Variants in UGT1A9 observed in about 807,000 individuals in gnomAD.
UGT1A9 encodes UDP glucuronosyltransferase family 1 member A9, also known as UDP-glucuronosyltransferase 1A9.
A neutral mutation model predicts 45.0 loss-of-function variants in UGT1A9; 35 were observed. That is an observed-to-expected ratio of 0.78 (90% CI 0.59 to 1.03). The LOEUF (loss-of-function observed/expected upper bound fraction) is 1.03. Ranked by LOEUF, UGT1A9 falls within the 50% of genes least tolerant of loss-of-function variation. The probability of loss-of-function intolerance (pLI) is 0.00; values close to 1 mark genes in which losing one functional copy is unlikely to be tolerated. For synonymous variants in UGT1A9, 278 were observed against 250.6 expected (o/e 1.11, Z -1.03); for missense variants, 687 against 666.6 (o/e 1.03, Z -0.34).
chr2:233,723,731 T>A lies in UGT1A9; in HGVS notation c.856-43303T>A, dbSNP rs1266221554. ...CTTGAGATTAGGGATTGGTGATGAC[T>A]CTTAACGAGCATGCTGCCTTCAAGC... On this transcript the variant is annotated intron_variant, in intron 1 of 4. Coordinates refer to ENST00000354728, the MANE Select transcript of UGT1A9 (RefSeq NM_021027.3). Among the ~76,000 whole-genome samples, 3 of 78,960 alleles carry A rather than the reference T, an allele frequency of 3.8e-5. 1 individual carries two copies. The highest frequency in any genetic ancestry group is 6.7e-5 in the Non-Finnish European group (3 of 44,612). The allele number at this position is 78,960 out of a possible 152,430, so 51.8% of individuals were successfully genotyped here. A position where few individuals can be genotyped will look rare whatever the true frequency, so the allele number is the denominator to read the frequency against.
chr2:233,741,972 T>G (rs888756569), intron 1 of UGT1A9: 7 of 151,906 alleles, frequency 4.6e-5, no homozygotes, highest in African/African-American at 1.7e-4. Context: ...GTGTTTATGG[T>G]GCCTCACCCA....
chr2:233,768,654 T>C (rs1699689633), intron 4 of UGT1A9, among the ~76,000 whole-genome samples: 2 of 149,892 alleles, frequency 1.3e-5, no homozygotes, highest in Non-Finnish European at 3.0e-5. Flanking sequence ...TGGTGCAATC[T>C]TGGCTTACTG....
intron 1 of UGT1A9, chr2:233,692,906 T>G (rs1175871462): frequency 2.6e-6 from 4 of 1,548,942 alleles, no homozygotes; most frequent in Non-Finnish European, 3.5e-6. Context: ...AGACAGGACC[T>G]GTGAAAAGCA....
intron 1 of UGT1A9, chr2:233,729,033 A>G: frequency 1.9e-6 from 3 of 1,602,256 alleles, no homozygotes; most frequent in Admixed American, 3.4e-5. Context: ...TTGATTTGCT[A>G]AGTGGCTCAG....
At chr2:233,689,006 A>C (rs890693813) in intron 1 of UGT1A9, among the ~76,000 whole-genome samples, 2 of 152,152 alleles carry the variant, frequency 1.3e-5, no homozygotes, top group Non-Finnish European at 2.9e-5. Flanking sequence ...GGGTCTCTTT[A>C]CTTCATAAAC....
At chr2:233,768,980 T>A (rs1699769339) in intron 4 of UGT1A9, among the ~76,000 whole-genome samples, 1 of 152,212 alleles carries the variant, frequency 6.6e-6, no homozygotes, top group Non-Finnish European at 1.5e-5. Flanking sequence ...TTTAGAATTT[T>A]ATTTCCCCCA....
intron 1 of UGT1A9, chr2:233,743,704 C>T (rs773531190): frequency 8.8e-6 from 12 of 1,367,244 alleles, no homozygotes; most frequent in East Asian, 4.5e-5. Flanking sequence ...CCTCCGCCCC[C>T]GCCTCGCCAT....
In UGT1A9 at chr2:233,736,783, G is replaced by T. The variant is rs545223479; in HGVS notation, c.856-30251G>T. ...CTTCTAACAGTCAGATCCCTCAGCTGCAGGTCTGTTGGAGTTTGCTGGAGG... is the reference window on the plus strand; with the variant it reads ...CTTCTAACAGTCAGATCCCTCAGCTTCAGGTCTGTTGGAGTTTGCTGGAGG... On this transcript the variant is annotated intron_variant, in intron 1 of 4. Transcript: ENST00000354728. Among the ~76,000 whole-genome samples, 9 of 152,312 alleles carry T rather than the reference G, an allele frequency of 5.9e-5. No homozygotes were observed. The South Asian group carries it at 1.9e-3, about 32-fold the overall frequency.
chr2:233,687,579 T>A (rs2074847989), intron 1 of UGT1A9, among the ~76,000 whole-genome samples: 1 of 120,078 alleles, frequency 8.3e-6, no homozygotes, highest in Non-Finnish European at 1.7e-5. Context: ...CCATACATTC[T>A]TTGTAAAAAA....
chr2:233,704,199 C>A (rs1162056746), intron 1 of UGT1A9, among the ~76,000 whole-genome samples: 1 of 147,548 alleles, frequency 6.8e-6, no homozygotes, highest in Non-Finnish European at 1.5e-5. Context: ...CCCCATTTTA[C>A]TTTTTATGCT....
chr2:233,719,749 T>G, intron 1 of UGT1A9: 1 of 1,612,804 alleles, frequency 6.2e-7, no homozygotes, highest in South Asian at 1.1e-5. Flanking sequence ...AAAAATGTAT[T>G]TACTTACAAG....
intron 4 of UGT1A9, among the ~76,000 whole-genome samples, chr2:233,768,769 A>G (rs1559416355): frequency 6.6e-6 from 1 of 151,738 alleles, no homozygotes; most frequent in Non-Finnish European, 1.5e-5. Flanking sequence ...TTTTTAGTAG[A>G]GAAAGGGTTT....
At chr2:233,746,331 A>G (rs1482608381) in intron 1 of UGT1A9, among the ~76,000 whole-genome samples, 1 of 151,784 alleles carries the variant, frequency 6.6e-6, no homozygotes, top group Non-Finnish European at 1.5e-5. Context: ...TCTACAGGGC[A>G]ATGGACATGT....
At chr2:233,729,141 C>T (rs751723491) in intron 1 of UGT1A9, 1 of 1,613,272 alleles carries the variant, frequency 6.2e-7, no homozygotes, top group Admixed American at 1.7e-5. Flanking sequence ...CCACAGGACT[C>T]CAGGTTCCCC....
intron 1 of UGT1A9, among the ~76,000 whole-genome samples, chr2:233,757,613 T>G (rs972874024): frequency 6.8e-6 from 1 of 146,622 alleles, no homozygotes; most frequent in Non-Finnish European, 1.5e-5. Context: ...TGCAAACTGC[T>G]AAAAGATACA....
intron 1 of UGT1A9, chr2:233,717,919 A>G (rs549898457): frequency 4.4e-6 from 2 of 454,776 alleles, no homozygotes; most frequent in Admixed American, 2.3e-5. Flanking sequence ...GCCTGGATGA[A>G]TGGATACTTC....
At chr2:233,681,875 T>C (rs2074543117) in intron 1 of UGT1A9, 9 of 1,544,408 alleles carry the variant, frequency 5.8e-6, no homozygotes, top group Non-Finnish European at 7.0e-6. Context: ...TCTGTACTTC[T>C]TCCACTTACT....
At chr2:233,719,756 C>A in intron 1 of UGT1A9, 2 of 1,612,434 alleles carry the variant, frequency 1.2e-6, no homozygotes, top group Non-Finnish European at 1.7e-6. Context: ...TATTTACTTA[C>A]AAGTGCTTCC....
At chr2:233,718,993 C>CGGT (rs2076711815) in intron 1 of UGT1A9, 1 of 1,614,206 alleles carries the variant, frequency 6.2e-7, no homozygotes, top group Non-Finnish European at 8.5e-7. Flanking sequence ...GGCCACCAGG[C>CGGT]GGTGGTCCTC....
Sources: allele counts gnomAD v4.1 joint callset (sites outside exome capture counted in the v4.1 genomes callset), GRCh38; gene constraint gnomAD v4.1.1; transcripts MANE v1.5; gene names NCBI Gene and HGNC (gene_info 2026-07-23, HGNC 2026-07-21).